WASHC4: variants seen among roughly 807,000 people sequenced by gnomAD.
WASHC4 encodes WASH complex subunit 7.
Under a neutral mutation model 166.6 loss-of-function variants are expected in WASHC4, and 86 were observed. The observed-to-expected ratio is 0.52, with a 90% CI of 0.43 to 0.62. The LOEUF is 0.62. Among genes scored for constraint, WASHC4 ranks in the 20% least tolerant of loss-of-function variants. The pLI, the probability that WASHC4 is intolerant of heterozygous loss-of-function variation, is 0.00. For missense variants in WASHC4, 1,262 were observed against 1,382.4 expected, an observed-to-expected ratio of 0.91 and a Z score of 1.38; for synonymous variants, 446 against 451.6, an observed-to-expected ratio of 0.99 and a Z score of 0.16.
intron 4 of WASHC4, 69 bp from the exon 5 acceptor site, chr12:105,115,115 C>G: frequency 3.8e-6 from 3 of 794,188 alleles, no homozygotes; most frequent in Non-Finnish European, 6.6e-6. Flanking sequence ...GTATACAGAT[C>G]TAAGAGAGCA....
Position 105,149,598 on chromosome 12 carries a change from G to T in WASHC4, c.2515-17G>T, listed in dbSNP as rs765930825. 7.3e-7 allele frequency: 1 copy of T among 1,375,564 alleles called. No homozygotes were observed. The highest frequency in any genetic ancestry group is 1.8e-5 in the Admixed American group (1 of 55,390). 85.2% of individuals were successfully genotyped at this position (1,375,564 alleles called of 1,614,324 possible). On this transcript the variant is annotated splice_polypyrimidine_tract_variant and intron_variant, in intron 24 of 32. Transcript: ENST00000332180. ...TTATATTAACTTTTTTCAACTTTTT[G>T]AATTTTAATTTTATAGGTTAATTTC... is the stretch of plus-strand genomic sequence containing the variant.
At chr12:105,155,696 C>T (rs1884104979) in intron 26 of WASHC4, among the ~76,000 whole-genome samples, 1 of 46,654 alleles carries the variant, frequency 2.1e-5, no homozygotes, top group African/African-American at 9.2e-5. Context: ...CAAAAATTAG[C>T]CGGGCGTGGT....
At chr12:105,151,584 C>T (rs943448578) in intron 25 of WASHC4, among the ~76,000 whole-genome samples, 23 of 151,946 alleles carry the variant, frequency 1.5e-4, no homozygotes, top group South Asian at 2.1e-4. Context: ...TGGGTTCAAG[C>T]GATTCTCCTG....
In WASHC4 at chr12:105,114,269, G is replaced by A; in HGVS notation, c.255G>A (p.Lys85=). The A allele has an allele frequency of 6.2e-7, 1 of 1,608,928 alleles. No homozygotes were observed. Among genetic ancestry groups the A allele is most frequent in the Non-Finnish European group, 8.5e-7 (1 of 1,176,704 alleles). ...TGGAACTCATAAAGACTGAAAACAA[G>A]GTACAGAATCCTAAATCTAAAAAAT... The part of the protein sequence containing the change: ...SLLELIKTEN[K]VLNKVITVYA... The change falls in exon 3 of 33, where the codon AAG becomes AAA. Residue 85 remains lysine, a splice_region_variant and synonymous_variant. Coordinates refer to ENST00000332180, the MANE Select transcript of WASHC4 (RefSeq NM_015275.3).
chr12:105,136,684 T>A (rs992492085), intron 14 of WASHC4, among the ~76,000 whole-genome samples: 9 of 152,300 alleles, frequency 5.9e-5, no homozygotes, highest in African/African-American at 1.9e-4. Flanking sequence ...TTTTAATTTT[T>A]CCCAGGGCTG....
intron 14 of WASHC4, among the ~76,000 whole-genome samples, chr12:105,134,333 C>T (rs1882121531): frequency 6.6e-6 from 1 of 152,076 alleles, no homozygotes. Context: ...TTCACGTCTA[C>T]TTGAAAAGAA....
intron 29 of WASHC4, among the ~76,000 whole-genome samples, chr12:105,161,950 C>G (rs1440411473): frequency 6.6e-6 from 1 of 151,998 alleles, no homozygotes; most frequent in Non-Finnish European, 1.5e-5. Flanking sequence ...ATAAAAATAC[C>G]TTTTTAAAAA....
At chr12:105,157,370 C>G (rs376276410) in intron 28 of WASHC4, 48 bp downstream of exon 28, 31 of 1,075,908 alleles carry the variant, frequency 2.9e-5, no homozygotes, top group Non-Finnish European at 3.8e-5. Context: ...AAAAAACATT[C>G]TGAAGAGAAG....
At chr12:105,123,101 G>A (rs1454089442) in intron 10 of WASHC4, among the ~76,000 whole-genome samples, 1 of 152,172 alleles carries the variant, frequency 6.6e-6, no homozygotes, top group South Asian at 2.1e-4. Flanking sequence ...ATCACGTGAG[G>A]TCAGGAGTTC....
At position 105,107,843 on chromosome 12, in the gene WASHC4, G is replaced by A. The variant is rs745489513; in HGVS notation, c.43G>A (p.Val15Ile). Residue 15 changes from valine (V) to isoleucine (I), a missense_variant, in exon 1 of 33, where the codon GTT becomes ATT. Val to Ile is a conservative substitution (Grantham distance 29, BLOSUM62 3). Coordinates refer to ENST00000332180, the MANE Select transcript of WASHC4 (RefSeq NM_015275.3). Reference sequence around the variant, plus strand: ...GTCCCCGGACTGGGAGTTTGACCGCGTTGACGACGGCTCGCAGAGTAAGGG... The same window carrying A: ...GTCCCCGGACTGGGAGTTTGACCGCATTGACGACGGCTCGCAGAGTAAGGG... Reference protein sequence around the residue: ...TLSPDWEFDRVDDGSQKIHAE... With the variant: ...TLSPDWEFDRIDDGSQKIHAE... The A allele has an allele frequency of 1.9e-5, 29 of 1,550,686 alleles. No homozygotes were observed. In the South Asian group the frequency reaches 2.4e-4, roughly 13 times the overall value.
intron 26 of WASHC4, among the ~76,000 whole-genome samples, chr12:105,154,434 TTTTGACTAATAACTTGCCTGC>T (rs1883995727): frequency 6.6e-6 from 1 of 152,226 alleles, no homozygotes; most frequent in South Asian, 2.1e-4. Flanking sequence ...ATGGAAGCCT[TTTTGACTAATAACTTGCCTGC>T]TGAAATAATA....
At position 105,166,936 on chromosome 12, in the gene WASHC4, G is replaced by T. The variant is rs1370638636; in HGVS notation, c.*5G>T. 6.3e-7 allele frequency: 1 copy of T among 1,581,204 alleles called. No individual in the cohort carries two copies. Among genetic ancestry groups the T allele is most frequent in the South Asian group, 1.1e-5 (1 of 90,524 alleles). On this transcript the variant is annotated 3_prime_UTR_variant, in exon 33 of 33. Transcript: ENST00000332180. ...GCTGATCCTGTTGTGAAATGATACG[G>T]ATGGTATTCACTGCACATATGATGA...
At chr12:105,145,061 T>C (rs1314803121) in intron 22 of WASHC4, among the ~76,000 whole-genome samples, 189 bp downstream of exon 22, 1 of 151,666 alleles carries the variant, frequency 6.6e-6, no homozygotes, top group African/African-American at 2.4e-5. Flanking sequence ...TAAAGGAATT[T>C]ACCACCGGGG....
intron 13 of WASHC4, 60 bp downstream of exon 13, chr12:105,127,349 T>C: frequency 1.7e-6 from 2 of 1,151,378 alleles, no homozygotes; most frequent in Non-Finnish European, 2.6e-6. Context: ...TCAAAGATTA[T>C]ACTAACACTT....
At chr12:105,121,335 A>G (rs1880721742) in intron 9 of WASHC4, 131 bp downstream of exon 9, 4 of 668,002 alleles carry the variant, frequency 6.0e-6, no homozygotes, top group East Asian at 2.8e-5. Context: ...AGGAGCTCAT[A>G]TCAAATATTT....
rs781271237 is a variant in WASHC4, at chr12:105,140,365, T to A, written c.1524T>A (p.Leu508=). The change falls in exon 16 of 33, where the codon CTT becomes CTA. Residue 508 remains leucine, a synonymous_variant. Transcript: ENST00000332180. ...ADSVSHITQH[L]QHQALHSISV... ...CAGTTTCACATATAACACAGCACCT[T>A]CAACATCAGGCTCTTCATTCTATTT... The A allele has an allele frequency of 1.9e-6, 3 of 1,613,770 alleles. No individual in the cohort carries two copies. The highest frequency in any genetic ancestry group is 2.5e-6 in the Non-Finnish European group (3 of 1,179,668).
intron 10 of WASHC4, among the ~76,000 whole-genome samples, chr12:105,122,578 A>G (rs1026795171): frequency 7.2e-5 from 11 of 151,920 alleles, no homozygotes; most frequent in African/African-American, 2.4e-4. Flanking sequence ...ATTTTCTACA[A>G]ATTAAAGGTT....
chr12:105,111,747 A>G (rs749341768), intron 2 of WASHC4, among the ~76,000 whole-genome samples: 1 of 152,176 alleles, frequency 6.6e-6, no homozygotes, highest in Non-Finnish European at 1.5e-5. Flanking sequence ...TATAAAATAC[A>G]TTACTCTTTC....
intron 22 of WASHC4, among the ~76,000 whole-genome samples, chr12:105,146,198 G>C (rs1883279034): frequency 6.6e-6 from 1 of 152,074 alleles, no homozygotes; most frequent in Non-Finnish European, 1.5e-5. Context: ...AGATGACTGT[G>C]GGTCATGGAT....
Sources: gnomAD v4.1 joint callset for allele counts (sites outside exome capture counted in the v4.1 genomes callset) on GRCh38, gnomAD v4.1.1 for gene constraint, MANE v1.5 for transcripts, NCBI Gene and HGNC (gene_info 2026-07-23, HGNC 2026-07-21) for gene names.